The following IMMP2L variants were observed in gnomAD, a reference collection of about 807,000 sequenced individuals.
IMMP2L encodes the protein inner mitochondrial membrane peptidase subunit 2, also known as mitochondrial inner membrane protease subunit 2.
A neutral mutation model predicts 19.3 loss-of-function variants in IMMP2L; 18 were observed. That is an observed-to-expected ratio of 0.93 (90% CI 0.64 to 1.38). The LOEUF (loss-of-function observed/expected upper bound fraction) is 1.38. Among genes scored for constraint, IMMP2L ranks in the 40% most tolerant of loss-of-function variants. The pLI is 0.00. For synonymous variants in IMMP2L, 76 were observed against 73.0 expected (o/e 1.04, Z -0.21); for missense variants, 233 against 218.2 (o/e 1.07, Z -0.43).
At chr7:111,240,275 T>G (rs1814846949) in intron 3 of IMMP2L, among the ~76,000 whole-genome samples, 1 of 151,992 alleles carries the variant, frequency 6.6e-6, no homozygotes, top group Non-Finnish European at 1.5e-5. Flanking sequence ...ATCATTCCTT[T>G]AAAAACTGTT....
chr7:110,734,349 G>T (rs1796475981), intron 5 of IMMP2L, among the ~76,000 whole-genome samples: 1 of 152,208 alleles, frequency 6.6e-6, no homozygotes. Context: ...GTGATAGCAT[G>T]CAAAGACCTT....
At chr7:111,307,445 T>C (rs1461347814) in intron 3 of IMMP2L, among the ~76,000 whole-genome samples, 1 of 151,806 alleles carries the variant, frequency 6.6e-6, no homozygotes, top group East Asian at 1.9e-4. Flanking sequence ...TGTACCATAT[T>C]CTGTAATAAA....
At chr7:110,683,573 A>G (rs1214573367) in intron 5 of IMMP2L, among the ~76,000 whole-genome samples, 1 of 152,120 alleles carries the variant, frequency 6.6e-6, no homozygotes, top group African/African-American at 2.4e-5. Context: ...AATTTAAACT[A>G]TCATACAGAT....
intron 3 of IMMP2L, among the ~76,000 whole-genome samples, chr7:111,337,763 A>T (rs1344556320): frequency 6.6e-6 from 1 of 152,124 alleles, no homozygotes; most frequent in Non-Finnish European, 1.5e-5. Flanking sequence ...AAATTAGTTA[A>T]ACCTAGAGTG....
intron 4 of IMMP2L, among the ~76,000 whole-genome samples, chr7:110,935,105 G>A (rs551067984): frequency 7.2e-5 from 11 of 152,116 alleles, no homozygotes; most frequent in African/African-American, 1.9e-4. Context: ...TGGTCTTTAC[G>A]ATTTGTTATG....
At chr7:111,004,564 A>T (rs2129561864) in intron 3 of IMMP2L, among the ~76,000 whole-genome samples, 1 of 128,602 alleles carries the variant, frequency 7.8e-6, no homozygotes, top group South Asian at 2.4e-4. Context: ...TTCCACTCTC[A>T]CCTCATTGCA....
chr7:111,078,718 T>A (rs1048541377), intron 3 of IMMP2L, among the ~76,000 whole-genome samples: 1 of 151,916 alleles, frequency 6.6e-6, no homozygotes, highest in Non-Finnish European at 1.5e-5. Context: ...TGGTATTTTT[T>A]ATTTTTATTT....
intron 3 of IMMP2L, chr7:111,096,980 C>T (rs1485237376): frequency 6.6e-6 from 1 of 151,682 alleles, no homozygotes; most frequent in Admixed American, 6.6e-5. Context: ...AATAAAAATC[C>T]CTTTAAAAAA....
chr7:110,988,812 T>C (rs140417453), intron 3 of IMMP2L, among the ~76,000 whole-genome samples: 1,888 of 152,290 alleles, frequency 0.012, 31 homozygotes, highest in African/African-American at 0.042. Context: ...TGTAGAATAA[T>C]ATCTGATAAT....
At chr7:111,193,804 A>G (rs1809166130) in intron 3 of IMMP2L, among the ~76,000 whole-genome samples, 1 of 152,168 alleles carries the variant, frequency 6.6e-6, no homozygotes. Flanking sequence ...GATATAATTT[A>G]TATTCCTTTA....
At chr7:111,439,941 A>G (rs993967274) in intron 3 of IMMP2L, among the ~76,000 whole-genome samples, 2 of 151,942 alleles carry the variant, frequency 1.3e-5, no homozygotes, top group African/African-American at 2.4e-5. Context: ...CATCTTCACC[A>G]GGCATAGATT....
intron 2 of IMMP2L, among the ~76,000 whole-genome samples, chr7:111,502,270 C>G (rs1384537883): frequency 1.3e-5 from 2 of 152,138 alleles, no homozygotes; most frequent in Non-Finnish European, 2.9e-5. Context: ...GAAGAGCTAA[C>G]TATCCTAAAT....
At chr7:110,725,741 T>G (rs1402951154) in intron 5 of IMMP2L, 1 of 152,202 alleles carries the variant, frequency 6.6e-6, no homozygotes, top group East Asian at 1.9e-4. Context: ...GACCATTCAT[T>G]CATTCTGAGT....
chr7:111,126,024 T>C (rs1300735383), intron 3 of IMMP2L, among the ~76,000 whole-genome samples: 1 of 151,984 alleles, frequency 6.6e-6, no homozygotes, highest in East Asian at 1.9e-4. Flanking sequence ...AGTTTTGCCA[T>C]ATTGGCCAGG....
At chr7:111,467,286 T>C (rs1205650513) in intron 3 of IMMP2L, among the ~76,000 whole-genome samples, 1 of 152,180 alleles carries the variant, frequency 6.6e-6, no homozygotes, top group Non-Finnish European at 1.5e-5. Context: ...TGAGGTAATA[T>C]ATGTAAAGTA....
chr7:111,036,332 C>T (rs1791352675), intron 3 of IMMP2L, among the ~76,000 whole-genome samples: 1 of 152,112 alleles, frequency 6.6e-6, no homozygotes, highest in Non-Finnish European at 1.5e-5. Context: ...CCAGAAAGCC[C>T]CAGGTAAGTC....
chr7:111,504,758 T>C (rs1188313149), intron 2 of IMMP2L, among the ~76,000 whole-genome samples: 1 of 152,204 alleles, frequency 6.6e-6, no homozygotes, highest in African/African-American at 2.4e-5. Flanking sequence ...CTGGGAAAAC[T>C]GGCTAGCCAT....
intron 5 of IMMP2L, among the ~76,000 whole-genome samples, chr7:110,666,874 T>G (rs953425320): frequency 2.6e-5 from 4 of 152,272 alleles, no homozygotes; most frequent in African/African-American, 9.6e-5. Flanking sequence ...GTGTAATTAT[T>G]TTAGTCCTTA....
intron 2 of IMMP2L, among the ~76,000 whole-genome samples, chr7:111,490,530 T>A: frequency 6.6e-6 from 1 of 152,054 alleles, no homozygotes; most frequent in East Asian, 1.9e-4. Flanking sequence ...GATCTTTTTT[T>A]AATCATAATG....
Sources: gnomAD v4.1 joint callset for allele counts (sites outside exome capture counted in the v4.1 genomes callset) on GRCh38, gnomAD v4.1.1 for gene constraint, MANE v1.5 for transcripts, NCBI Gene and HGNC (gene_info 2026-07-23, HGNC 2026-07-21) for gene names.